PABIR2: variants seen among roughly 807,000 people sequenced by gnomAD.
The protein encoded by PABIR2 is family with sequence similarity 122B.
In PABIR2, 7 loss-of-function variants were observed where a neutral mutation model predicts 22.8. That is an observed-to-expected ratio of 0.31 (90% CI 0.17 to 0.58). The LOEUF (loss-of-function observed/expected upper bound fraction) is 0.58, where lower values mean the gene tolerates loss of function less well. PABIR2 is among the 20% of genes least tolerant of loss of function. PABIR2 has a pLI of 0.89. For synonymous variants in PABIR2, 67 were observed against 73.8 expected, an observed-to-expected ratio of 0.91 and a Z score of 0.47; for missense variants, 155 against 205.1, an observed-to-expected ratio of 0.76 and a Z score of 1.49.
Position 134,772,120 on chromosome X carries a change from T to C in PABIR2, c.*19A>G. 1 of 1,177,820 alleles carries C rather than the reference T, an allele frequency of 8.5e-7. No individual in the cohort carries two copies. Among genetic ancestry groups the C allele is most frequent in the Non-Finnish European group, 1.1e-6 (1 of 875,626 alleles). Reference sequence around the variant, plus strand: ...ATGTAGGAAACAGCAGTTAAAACGTTGAATCAGAAATGGTTAAGTCACTTG... The same window carrying C: ...ATGTAGGAAACAGCAGTTAAAACGTCGAATCAGAAATGGTTAAGTCACTTG... On this transcript the variant is annotated 3_prime_UTR_variant, in exon 10 of 10. Coordinates refer to ENST00000343004, the MANE Select transcript of PABIR2 (RefSeq NM_001387468.1).
At chrX:134,777,524 CAAAAAAAA>C (rs1177263144) in intron 9 of PABIR2, among the ~76,000 whole-genome samples, 3 of 29,560 alleles carry the variant, frequency 1.0e-4, no homozygotes, top group African/African-American at 3.1e-4. Flanking sequence ...GATCTTGTAT[CAAAAAAAA>C]AAAAAAAAAA....
At position 134,789,615 on chromosome X, in the gene PABIR2, G is replaced by A. The variant is rs201984917; in HGVS notation, c.199C>T (p.Arg67Cys). 1.4e-3 allele frequency: 1,660 copies of A among 1,153,224 alleles called. 1 individual carries two copies. Among genetic ancestry groups the A allele is most frequent in the Admixed American group, 2.3e-3 (87 of 38,268 alleles). Reference sequence around the variant, plus strand: ...TGATGCAGTCTGCTACTAGGAATACGATTAGGTGAGGATGACAGCAACTGG... The same window carrying A: ...TGATGCAGTCTGCTACTAGGAATACAATTAGGTGAGGATGACAGCAACTGG... ...HSLLLSSSPN[R>C]IPSSRLHQIK... Residue 67 changes from arginine to cysteine, a missense_variant, in exon 3 of 10, where the codon CGT becomes TGT. By Grantham distance (180) the Arg-to-Cys change is radical. Transcript: ENST00000343004.
At chrX:134,781,968 C>T (rs756782459) in intron 8 of PABIR2, 51 bp from the exon 9 acceptor site, 18 of 909,580 alleles carry the variant, frequency 2.0e-5, no homozygotes, top group Admixed American at 7.4e-5. Flanking sequence ...CAAATACAGG[C>T]GTGGTGCTAA....
chrX:134,779,522 G>C (rs947162254), intron 9 of PABIR2, among the ~76,000 whole-genome samples: 2 of 112,077 alleles, frequency 1.8e-5, no homozygotes, highest in Non-Finnish European at 3.8e-5. Flanking sequence ...TAGGGGAGTA[G>C]TGACAAGGAA....
intron 9 of PABIR2, among the ~76,000 whole-genome samples, chrX:134,772,743 C>T (rs1001946694): frequency 9.0e-6 from 1 of 111,691 alleles, no homozygotes; most frequent in East Asian, 2.8e-4. Flanking sequence ...TCTTTCAACT[C>T]CCCTAGAGTT....
At chrX:134,795,222 A>G (rs2079708786) in intron 1 of PABIR2, among the ~76,000 whole-genome samples, 1 of 112,045 alleles carries the variant, frequency 8.9e-6, no homozygotes, top group Non-Finnish European at 1.9e-5. Flanking sequence ...TAATCAGTTC[A>G]ACAGCAAGGA....
chrX:134,783,521 T>G (rs925268223), intron 8 of PABIR2, among the ~76,000 whole-genome samples: 6 of 108,991 alleles, frequency 5.5e-5, no homozygotes, highest in African/African-American at 2.0e-4. Context: ...AAGTCAGGAG[T>G]TTGAGACCAG....
chrX:134,796,301 A>C lies in PABIR2; in HGVS notation c.-96T>G. The C allele has an allele frequency of 3.4e-6, 1 of 293,089 alleles. No individual in the cohort carries two copies. The highest frequency in any genetic ancestry group is 2.2e-4 in the East Asian group (1 of 4,640). 24.2% of individuals were successfully genotyped at this position (293,089 alleles called of 1,213,427 possible). ...TCACTGCAGGACTGAGCTGCTGGGG[A>C]CTGGCAGCTGGGGGCGGGGGCTAAG... On this transcript the variant is annotated 5_prime_UTR_variant, in exon 1 of 10. Transcript: ENST00000343004.
intron 2 of PABIR2, among the ~76,000 whole-genome samples, chrX:134,790,863 C>T (rs756897998): frequency 8.9e-6 from 1 of 112,545 alleles, no homozygotes; most frequent in Non-Finnish European, 1.9e-5. Context: ...TGAGCCACTG[C>T]GCCCAGCCAC....
chrX:134,785,997 CA>C (rs759064055), intron 7 of PABIR2, 47 bp from the exon 8 acceptor site: 1 of 1,087,662 alleles, frequency 9.2e-7, no homozygotes, highest in African/African-American at 1.8e-5. Context: ...ATCCACGATG[CA>C]AGATAAAACA....
chrX:134,775,132 G>A (rs764815988), intron 9 of PABIR2, among the ~76,000 whole-genome samples: 8 of 112,001 alleles, frequency 7.1e-5, no homozygotes, highest in Non-Finnish European at 1.1e-4. Context: ...AAAGGATCTG[G>A]ACAATTCAAA....
At chrX:134,774,551 T>G (rs1303700917) in intron 9 of PABIR2, among the ~76,000 whole-genome samples, 1 of 111,028 alleles carries the variant, frequency 9.0e-6, no homozygotes, top group African/African-American at 3.3e-5. Context: ...AATCCTGTAT[T>G]CATTCAAAAA....
chrX:134,790,585 G>A (rs2079516788), intron 2 of PABIR2, among the ~76,000 whole-genome samples: 1 of 111,514 alleles, frequency 9.0e-6, no homozygotes, highest in Non-Finnish European at 1.9e-5. Flanking sequence ...TGTTGCCCAG[G>A]CTGGAATGCA....
At position 134,775,081 on chromosome X, in the gene PABIR2, G is replaced by A. The variant is rs776448096; in HGVS notation, c.660-2798C>T. On this transcript the variant is annotated intron_variant, in intron 9 of 9. Coordinates refer to ENST00000343004, the MANE Select transcript of PABIR2 (RefSeq NM_001387468.1). ...TAAGCTCTGATGGAAGTGCTAATGAGCCTTACTTAGACTAATGGCCGAAAG... is the reference window on the plus strand; with the variant it reads ...TAAGCTCTGATGGAAGTGCTAATGAACCTTACTTAGACTAATGGCCGAAAG... 2.4e-4 allele frequency among the ~76,000 whole-genome samples: 27 copies of A among 112,221 alleles called. No homozygotes were observed. In the South Asian group the frequency reaches 3.0e-3, roughly 12 times the overall value.
In PABIR2 at chrX:134,771,558, C is replaced by T. The variant is rs759803531; in HGVS notation, c.*581G>A. ...GCAATAAGAGTAATGAAAGCAACTACGTATTTCTTCCCCTCTGTGAGAAAT... is the reference window on the plus strand; with the variant it reads ...GCAATAAGAGTAATGAAAGCAACTATGTATTTCTTCCCCTCTGTGAGAAAT... On this transcript the variant is annotated 3_prime_UTR_variant, in exon 10 of 10. Coordinates refer to ENST00000343004, the MANE Select transcript of PABIR2 (RefSeq NM_001387468.1). The T allele has an allele frequency of 1.1e-4, 104 of 941,084 alleles. No homozygotes were observed. The Admixed American group carries it at 2.2e-3, about 20-fold the overall frequency. The allele number at this position is 941,084 out of a possible 1,213,427, so 77.6% of individuals were successfully genotyped here. A position where few individuals can be genotyped will look rare whatever the true frequency, so the allele number is the denominator to read the frequency against.
intron 9 of PABIR2, among the ~76,000 whole-genome samples, chrX:134,775,125 G>A (rs1380885013): frequency 8.9e-6 from 1 of 112,039 alleles, no homozygotes; most frequent in African/African-American, 3.2e-5. Context: ...CAGTAAAAAA[G>A]GATCTGGACA....
At chrX:134,788,449 T>TTA (rs200944255) in intron 6 of PABIR2, among the ~76,000 whole-genome samples, 1 of 105,365 alleles carries the variant, frequency 9.5e-6, no homozygotes, top group Non-Finnish European at 1.9e-5. Context: ...TATATATGTG[T>TTA]TATATATGTT....
intron 6 of PABIR2, 44 bp downstream of exon 6, chrX:134,788,686 G>T: frequency 9.1e-7 from 1 of 1,094,633 alleles, no homozygotes; most frequent in Non-Finnish European, 1.2e-6. Context: ...AGAGTAAACA[G>T]CTCAGTTTGT....
At chrX:134,780,489 G>A (rs760837733) in intron 9 of PABIR2, among the ~76,000 whole-genome samples, 11 of 111,781 alleles carry the variant, frequency 9.8e-5, no homozygotes, top group Non-Finnish European at 1.5e-4. Flanking sequence ...TGAGGCAGGA[G>A]AATCTCTTGA....
Sources: allele counts gnomAD v4.1 joint callset (sites outside exome capture counted in the v4.1 genomes callset), GRCh38; gene constraint gnomAD v4.1.1; transcripts MANE v1.5; gene names NCBI Gene and HGNC (gene_info 2026-07-23, HGNC 2026-07-21).